Variants in CFAP263 observed in about 807,000 individuals in gnomAD.
CFAP263 encodes the protein cilia and flagella associated protein 263.
chr16:58,279,875 G>T, the CFAP263 span: 1 of 990,192 alleles, frequency 1.0e-6, no homozygotes, highest in Non-Finnish European at 1.5e-6. Flanking sequence ...CTGTCTGCCT[G>T]GTGTTCCCAA....
the CFAP263 span, among the ~76,000 whole-genome samples, chr16:58,251,460 C>G: frequency 3.5e-4 from 54 of 152,318 alleles, no homozygotes; most frequent in Non-Finnish European, 5.9e-4. Flanking sequence ...GGCATGATCT[C>G]GGCTCACTGC....
the CFAP263 span, among the ~76,000 whole-genome samples, chr16:58,267,246 C>T: frequency 6.6e-6 from 1 of 152,094 alleles, no homozygotes; most frequent in African/African-American, 2.4e-5. Context: ...GGATTTAGGT[C>T]CCCGTGTGCC....
At chr16:58,268,135 C>T in the CFAP263 span, among the ~76,000 whole-genome samples, 2 of 151,998 alleles carry the variant, frequency 1.3e-5, no homozygotes, top group South Asian at 2.1e-4. Context: ...CAGCAGAGAC[C>T]GGCTGAAGGA....
the CFAP263 span, chr16:58,280,281 C>A: frequency 6.2e-7 from 1 of 1,613,980 alleles, no homozygotes; most frequent in Middle Eastern, 1.7e-4. Flanking sequence ...TTTCTTCGGG[C>A]TGATACAACC....
the CFAP263 span, among the ~76,000 whole-genome samples, chr16:58,269,055 C>A: frequency 6.6e-6 from 1 of 152,192 alleles, no homozygotes; most frequent in Non-Finnish European, 1.5e-5. Context: ...CCCCACAGGA[C>A]AGGTGCAGTG....
the CFAP263 span, among the ~76,000 whole-genome samples, chr16:58,274,358 A>T: frequency 6.6e-6 from 1 of 152,208 alleles, no homozygotes; most frequent in Non-Finnish European, 1.5e-5. Flanking sequence ...CTTAGGCATG[A>T]GCTCCCCATC....
chr16:58,258,232 A>G, the CFAP263 span: 1 of 668,632 alleles, frequency 1.5e-6, no homozygotes, highest in Non-Finnish European at 2.5e-6. Flanking sequence ...TTTGTATCTT[A>G]AGGATATGTT....
chr16:58,277,157 T>G, the CFAP263 span, among the ~76,000 whole-genome samples: 1 of 152,116 alleles, frequency 6.6e-6, no homozygotes, highest in Non-Finnish European at 1.5e-5. Flanking sequence ...TTTAGACAGT[T>G]TCGCTCTATC....
chr16:58,267,719 AGCTCT>A, the CFAP263 span: 38 of 618,726 alleles, frequency 6.1e-5, no homozygotes, highest in East Asian at 1.0e-3. Context: ...AAATCAAAAT[AGCTCT>A]GGGCCATCAA....
the CFAP263 span, among the ~76,000 whole-genome samples, chr16:58,271,062 G>A: frequency 1.3e-5 from 2 of 152,020 alleles, no homozygotes; most frequent in African/African-American, 4.8e-5. Flanking sequence ...GAAGAAATAT[G>A]CAATTATACT....
chr16:58,257,207 C>T, the CFAP263 span, among the ~76,000 whole-genome samples: 13 of 119,020 alleles, frequency 1.1e-4, no homozygotes, highest in African/African-American at 1.9e-4. Flanking sequence ...TTAGTAGAGA[C>T]GGGGTTTCAC....
the CFAP263 span, among the ~76,000 whole-genome samples, chr16:58,261,447 G>A: frequency 4.6e-5 from 7 of 152,288 alleles, no homozygotes; most frequent in African/African-American, 9.6e-5. Flanking sequence ...CCTTAATGCC[G>A]CTGCTACACA....
chr16:58,251,725 A>T, the CFAP263 span, among the ~76,000 whole-genome samples: 1 of 152,270 alleles, frequency 6.6e-6, no homozygotes, highest in African/African-American at 2.4e-5. Context: ...AACAGGAATT[A>T]TTAAAAGTAA....
At chr16:58,250,820 A>G in the CFAP263 span, among the ~76,000 whole-genome samples, 2 of 152,094 alleles carry the variant, frequency 1.3e-5, no homozygotes, top group Non-Finnish European at 2.9e-5. Context: ...CAGAATAGAA[A>G]GCAAGCTATT....
At chr16:58,267,603 T>G in the CFAP263 span, 1 of 1,490,386 alleles carries the variant, frequency 6.7e-7, no homozygotes, top group Non-Finnish European at 9.4e-7. Flanking sequence ...GAGAGCAAAA[T>G]GTGGTATTTC....
At chr16:58,280,254 G>A in the CFAP263 span, 8 of 1,613,188 alleles carry the variant, frequency 5.0e-6, no homozygotes, top group African/African-American at 1.3e-5. Flanking sequence ...AAACAAGCAC[G>A]AAGGAAACCA....
the CFAP263 span, among the ~76,000 whole-genome samples, chr16:58,253,635 G>A: frequency 3.9e-5 from 6 of 152,264 alleles, no homozygotes; most frequent in South Asian, 4.1e-4. Context: ...AGTCCCCCAC[G>A]GATGCAGTTT....
At chr16:58,252,709 A>C in the CFAP263 span, 1 of 1,609,876 alleles carries the variant, frequency 6.2e-7, no homozygotes, top group African/African-American at 1.3e-5. Context: ...GAACTTACTC[A>C]GGTACCCTGT....
chr16:58,274,395 C>T, the CFAP263 span, among the ~76,000 whole-genome samples: 1 of 152,206 alleles, frequency 6.6e-6, no homozygotes, highest in Non-Finnish European at 1.5e-5. Context: ...TCCCCTTGGG[C>T]AGCATTCCAG....
Sources: gnomAD v4.1 joint callset for allele counts (sites outside exome capture counted in the v4.1 genomes callset) on GRCh38, gnomAD v4.1.1 for gene constraint, MANE v1.5 for transcripts, NCBI Gene and HGNC (gene_info 2026-07-23, HGNC 2026-07-21) for gene names.